The following FRMD4A variants were observed in gnomAD, a reference collection of about 807,000 sequenced individuals.
FRMD4A encodes FERM domain-containing protein 4A.
In FRMD4A, 29 loss-of-function variants were observed where a neutral mutation model predicts 129.1. That is an observed-to-expected ratio of 0.22 (90% confidence interval 0.17 to 0.31). The LOEUF is 0.31. Among genes scored for constraint, FRMD4A ranks in the 10% least tolerant of loss-of-function variants. FRMD4A has a pLI of 1.00. For synonymous variants in FRMD4A, 634 were observed against 571.6 expected (o/e 1.11, Z -1.56); for missense variants, 1,272 against 1,375.8 (o/e 0.92, Z 1.19).
intron 16 of FRMD4A, among the ~76,000 whole-genome samples, chr10:13,672,822 C>G (rs1026305770): frequency 2.0e-5 from 3 of 152,300 alleles, no homozygotes; most frequent in African/African-American, 7.2e-5. Context: ...GACCTCCCCC[C>G]AGCCCTTGAC....
At chr10:13,737,410 C>T (rs992822936) in intron 12 of FRMD4A, among the ~76,000 whole-genome samples, 9 of 152,122 alleles carry the variant, frequency 5.9e-5, no homozygotes, top group Non-Finnish European at 1.2e-4. Flanking sequence ...TTTTGACCTG[C>T]AATCTCTTCT....
chr10:14,294,873 G>A (rs1161649061), intron 2 of FRMD4A, among the ~76,000 whole-genome samples: 3 of 152,176 alleles, frequency 2.0e-5, no homozygotes, highest in Non-Finnish European at 4.4e-5. Flanking sequence ...CATTTGCATA[G>A]CATCTGCCCT....
intron 2 of FRMD4A, among the ~76,000 whole-genome samples, chr10:14,214,842 C>A (rs541929162): frequency 6.6e-6 from 1 of 152,234 alleles, no homozygotes; most frequent in African/African-American, 2.4e-5. Flanking sequence ...TTGTATTGTG[C>A]CTACATATAA....
intron 3 of FRMD4A, among the ~76,000 whole-genome samples, chr10:13,853,510 C>T (rs894203309): frequency 4.6e-5 from 7 of 152,076 alleles, no homozygotes; most frequent in African/African-American, 1.7e-4. Flanking sequence ...TGCACCACAG[C>T]TGGTTGATAG....
At chr10:13,864,380 T>C (rs12246961) in intron 2 of FRMD4A, among the ~76,000 whole-genome samples, 325 of 148,646 alleles carry the variant, frequency 2.2e-3, no homozygotes, top group African/African-American at 7.3e-3. Context: ...AAACCAAATA[T>C]GTCTTACTGA....
At chr10:13,781,745 T>C (rs2092741596) in intron 6 of FRMD4A, among the ~76,000 whole-genome samples, 2 of 152,106 alleles carry the variant, frequency 1.3e-5, no homozygotes, top group Non-Finnish European at 2.9e-5. Flanking sequence ...CAAATATATA[T>C]GATTCCACTT....
rs1429238276 is a variant in FRMD4A at position 14,206,820 on chromosome 10, A to AAAAAAAAAAAAAG, written c.45+123237_45+123238insCTTTTTTTTTTTT. Among the ~76,000 whole-genome samples, 111 of 127,458 alleles carry AAAAAAAAAAAAAG rather than the reference A, an allele frequency of 8.7e-4. 3 individuals are homozygous for AAAAAAAAAAAAAG. The highest frequency in any genetic ancestry group is 9.8e-4 in the African/African-American group (36 of 36,864). 83.6% of individuals were successfully genotyped at this position (127,458 alleles called of 152,430 possible). A position where few individuals can be genotyped will look rare whatever the true frequency, so the allele number is the denominator to read the frequency against. On this transcript the variant is annotated intron_variant, in intron 2 of 24. Coordinates refer to ENST00000357447, the MANE Select transcript of FRMD4A (RefSeq NM_018027.5). ...GTGAGACGCTATCTCAAAAAAAAAA[A>AAAAAAAAAAAAAG]AGAGAGACAGAGAAACAAAATATTT...
chr10:13,874,268 A>G (rs1214532465), intron 2 of FRMD4A, among the ~76,000 whole-genome samples: 2 of 143,908 alleles, frequency 1.4e-5, no homozygotes, highest in Non-Finnish European at 3.1e-5. Context: ...AAAAAAAAAA[A>G]GAGGAATTGC....
intron 2 of FRMD4A, among the ~76,000 whole-genome samples, chr10:14,230,162 A>G (rs1843588596): frequency 6.6e-6 from 1 of 152,230 alleles, no homozygotes; most frequent in Admixed American, 6.5e-5. Context: ...TTTACAGTCC[A>G]TAGAAGTTCA....
chr10:13,701,305 A>C, intron 14 of FRMD4A, 35 bp downstream of exon 14: 1 of 1,590,992 alleles, frequency 6.3e-7, no homozygotes, highest in Non-Finnish European at 8.6e-7. Flanking sequence ...GAGGCAGACA[A>C]TGGCCCGGGC....
chr10:14,184,977 C>T (rs1289602365), intron 2 of FRMD4A, among the ~76,000 whole-genome samples: 1 of 151,340 alleles, frequency 6.6e-6, no homozygotes, highest in Non-Finnish European at 1.5e-5. Flanking sequence ...GACAGTTACA[C>T]AATCAGAGAG....
At position 14,170,149 on chromosome 10, in the gene FRMD4A, C is replaced by T. The variant is rs138072239; in HGVS notation, c.45+159909G>A. Among the ~76,000 whole-genome samples, 608 of 152,278 alleles carry T rather than the reference C, an allele frequency of 4.0e-3. 6 individuals carry two copies. Among genetic ancestry groups the T allele is most frequent in the Non-Finnish European group, 3.3e-3 (223 of 68,018 alleles). On this transcript the variant is annotated intron_variant, in intron 2 of 24. Coordinates refer to ENST00000357447, the MANE Select transcript of FRMD4A (RefSeq NM_018027.5). The stretch of plus-strand genomic sequence containing the variant: ...GAGCTTTGACTATACATATTTTATT[C>T]TTCCTTTTGATCCTATATTGTGTGT...
At chr10:13,670,551 G>A (rs371676517) in intron 16 of FRMD4A, 23 bp from the exon 17 acceptor site, 133 of 1,609,224 alleles carry the variant, frequency 8.3e-5, no homozygotes, top group Admixed American at 2.0e-4. Flanking sequence ...AATGGCATTC[G>A]GAGTGAGCAC....
At chr10:14,147,757 G>A (rs1178327594) in intron 2 of FRMD4A, among the ~76,000 whole-genome samples, 2 of 152,066 alleles carry the variant, frequency 1.3e-5, no homozygotes, top group African/African-American at 4.8e-5. Context: ...CCTGCTGTGT[G>A]GCCTGTTTCC....
At chr10:13,778,545 A>G (rs935425315) in intron 6 of FRMD4A, among the ~76,000 whole-genome samples, 7 of 151,556 alleles carry the variant, frequency 4.6e-5, no homozygotes, top group African/African-American at 1.5e-4. Context: ...CTGTGCAGTG[A>G]ATGTGTTGAG....
intron 2 of FRMD4A, among the ~76,000 whole-genome samples, chr10:13,923,556 C>T (rs572171794): frequency 1.4e-4 from 21 of 152,194 alleles, no homozygotes; most frequent in Non-Finnish European, 2.9e-4. Flanking sequence ...TACATTTATT[C>T]TAATCGGCAA....
At chr10:14,055,175 T>C (rs1834449400) in intron 2 of FRMD4A, among the ~76,000 whole-genome samples, 1 of 151,998 alleles carries the variant, frequency 6.6e-6, no homozygotes, top group Non-Finnish European at 1.5e-5. Context: ...CTGTCCCCAG[T>C]ACTCAACCTC....
intron 6 of FRMD4A, among the ~76,000 whole-genome samples, chr10:13,779,805 T>C (rs117731331): frequency 4.8e-5 from 7 of 147,190 alleles, no homozygotes; most frequent in African/African-American, 7.4e-5. Context: ...AAAAAAGCAG[T>C]GTCTATCTCA....
intron 2 of FRMD4A, among the ~76,000 whole-genome samples, chr10:14,052,215 C>A (rs1239681649): frequency 2.6e-5 from 4 of 152,062 alleles, no homozygotes; most frequent in Admixed American, 6.6e-5. Flanking sequence ...CCTGAGGAGA[C>A]CTTGACTTTC....
Sources: gnomAD v4.1 joint callset for allele counts (sites outside exome capture counted in the v4.1 genomes callset) on GRCh38, gnomAD v4.1.1 for gene constraint, MANE v1.5 for transcripts, NCBI Gene and HGNC (gene_info 2026-07-23, HGNC 2026-07-21) for gene names.